Variants in UGT1A7 observed in about 807,000 individuals in gnomAD.
The protein encoded by UGT1A7 is UDP glucuronosyltransferase family 1 member A7.
UGT1A7 carries 33 observed loss-of-function variants against 45.6 expected under a neutral mutation model. That is an observed-to-expected ratio of 0.72 (90% CI 0.55 to 0.97). The LOEUF (loss-of-function observed/expected upper bound fraction) is 0.97, where lower values mean the gene tolerates loss of function less well. UGT1A7 is among the 50% of genes least tolerant of loss of function. The pLI is 0.00. For synonymous variants in UGT1A7, 274 were observed against 250.6 expected (o/e 1.09, Z -0.88); for missense variants, 684 against 666.2 (o/e 1.03, Z -0.29).
intron 1 of UGT1A7, among the ~76,000 whole-genome samples, chr2:233,740,338 G>A (rs1156245808): frequency 6.6e-6 from 1 of 151,948 alleles, no homozygotes; most frequent in Non-Finnish European, 1.5e-5. Context: ...TGAGAAAGTT[G>A]ATGAGAAAGT....
intron 1 of UGT1A7, chr2:233,755,543 A>C (rs1450453289): frequency 6.3e-6 from 1 of 158,400 alleles, no homozygotes; most frequent in African/African-American, 2.4e-5. Flanking sequence ...CATGGTCTCC[A>C]AAAAGGATGG....
At chr2:233,738,077 A>T (rs1287862175) in intron 1 of UGT1A7, among the ~76,000 whole-genome samples, 1 of 152,120 alleles carries the variant, frequency 6.6e-6, no homozygotes, top group Non-Finnish European at 1.5e-5. Context: ...CCACCTCCTA[A>T]TCTCATCATA....
chr2:233,698,256 C>T (rs987138745), intron 1 of UGT1A7, among the ~76,000 whole-genome samples: 2 of 151,944 alleles, frequency 1.3e-5, no homozygotes, highest in South Asian at 4.1e-4. Context: ...TTCTTTTGTC[C>T]AATAATCAAA....
chr2:233,753,072 ACTC>A (rs1477069056), intron 1 of UGT1A7: 1 of 151,486 alleles, frequency 6.6e-6, no homozygotes, highest in Non-Finnish European at 1.5e-5. Context: ...CCACCTCAAA[ACTC>A]CTTTTATTCC....
In UGT1A7 at chr2:233,713,193, T is replaced by C. The variant is rs143484996; in HGVS notation, c.855+30401T>C. The C allele has an allele frequency of 2.6e-4, 422 of 1,614,210 alleles. 1 individual carries two copies. Among genetic ancestry groups the C allele is most frequent in the African/African-American group, 1.1e-3 (82 of 75,064 alleles). ...GGTCCTCACCCTGGAGGTGAATATG[T>C]ACATCAAAGAAGAGAACTTTTTCAC... On this transcript the variant is annotated intron_variant, in intron 1 of 4. Coordinates refer to ENST00000373426, the MANE Select transcript of UGT1A7 (RefSeq NM_019077.3).
intron 1 of UGT1A7, chr2:233,738,818 A>G (rs779696858): frequency 6.6e-6 from 1 of 152,242 alleles, no homozygotes; most frequent in Non-Finnish European, 1.5e-5. Flanking sequence ...AGAAATTTGA[A>G]TAAATAAGGA....
chr2:233,759,382 A>C (rs1049531519), intron 1 of UGT1A7, among the ~76,000 whole-genome samples: 4 of 152,150 alleles, frequency 2.6e-5, no homozygotes, highest in Non-Finnish European at 2.9e-5. Context: ...GGTTTTCAGG[A>C]TACTCAGAGT....
intron 1 of UGT1A7, chr2:233,756,054 A>G (rs530980162): frequency 6.6e-6 from 1 of 152,352 alleles, no homozygotes; most frequent in East Asian, 1.9e-4. Flanking sequence ...ACTCCACTGT[A>G]CACTTGTGGG....
chr2:233,707,949 C>G (rs530290982), intron 1 of UGT1A7, among the ~76,000 whole-genome samples: 9 of 152,206 alleles, frequency 5.9e-5, no homozygotes, highest in Non-Finnish European at 1.0e-4. Flanking sequence ...TTTGGATTTC[C>G]TCTTTTGCCC....
At position 233,719,178 on chromosome 2, in the gene UGT1A7, G is replaced by A. The variant is rs749190317; in HGVS notation, c.855+36386G>A. On this transcript the variant is annotated intron_variant, in intron 1 of 4. Transcript: ENST00000373426. ...TAGAAGTATGGCAATTATGAACAAT[G>A]TATCTTTGGCCCTTCATAGGTGTTG... The A allele has an allele frequency of 1.7e-5, 27 of 1,614,094 alleles. No homozygotes were observed. The highest frequency in any genetic ancestry group is 1.6e-4 in the Middle Eastern group (1 of 6,084).
chr2:233,696,415 T>C (rs2075342407), intron 1 of UGT1A7, among the ~76,000 whole-genome samples: 1 of 152,248 alleles, frequency 6.6e-6, no homozygotes, highest in Admixed American at 6.5e-5. Context: ...GTTGATTTCC[T>C]TTTCAGTTTT....
intron 1 of UGT1A7, among the ~76,000 whole-genome samples, chr2:233,709,017 G>T (rs756510737): frequency 1.3e-5 from 2 of 152,110 alleles, no homozygotes; most frequent in Non-Finnish European, 2.9e-5. Flanking sequence ...TAATACCCAA[G>T]CAGCAGGGGC....
chr2:233,712,850 AAGTAACT>A, intron 1 of UGT1A7: 5 of 1,537,004 alleles, frequency 3.3e-6, no homozygotes, highest in Admixed American at 3.8e-5. Flanking sequence ...AACGGGTAAT[AAGTAACT>A]GGAGGAGGGC....
chr2:233,739,074 T>A (rs1271021354), intron 1 of UGT1A7: 1 of 152,242 alleles, frequency 6.6e-6, no homozygotes, highest in Non-Finnish European at 1.5e-5. Flanking sequence ...GGTGCAAACC[T>A]CAAGCCTTGG....
chr2:233,709,753 T>C (rs1405121833), intron 1 of UGT1A7, among the ~76,000 whole-genome samples: 1 of 152,244 alleles, frequency 6.6e-6, no homozygotes, highest in African/African-American at 2.4e-5. Flanking sequence ...ATAAACATTA[T>C]TGGAGTATTA....
intron 1 of UGT1A7, chr2:233,713,823 G>A (rs2076349507): frequency 1.9e-6 from 3 of 1,613,920 alleles, no homozygotes; most frequent in African/African-American, 1.3e-5. Flanking sequence ...CTTCATTGGG[G>A]GCATCAACTG....
intron 1 of UGT1A7, chr2:233,713,460 T>C: frequency 2.5e-6 from 4 of 1,614,160 alleles, no homozygotes; most frequent in Non-Finnish European, 3.4e-6. Flanking sequence ...CTTTCACCTC[T>C]GCGCGGCGGT....
At chr2:233,732,602 G>T (rs1447005275) in intron 1 of UGT1A7, among the ~76,000 whole-genome samples, 1 of 152,210 alleles carries the variant, frequency 6.6e-6, no homozygotes, top group Non-Finnish European at 1.5e-5. Flanking sequence ...GTTTGTCAAA[G>T]ATCAAATGGT....
intron 1 of UGT1A7, among the ~76,000 whole-genome samples, chr2:233,724,413 G>A (rs1179316008): frequency 7.1e-6 from 1 of 141,162 alleles, no homozygotes; most frequent in Non-Finnish European, 1.5e-5. Context: ...TGGGGTGGCT[G>A]CCGGGCGGAG....
Sources: allele counts gnomAD v4.1 joint callset (sites outside exome capture counted in the v4.1 genomes callset), GRCh38; gene constraint gnomAD v4.1.1; transcripts MANE v1.5; gene names NCBI Gene and HGNC (gene_info 2026-07-23, HGNC 2026-07-21).